Variants in CCDC83 observed in about 807,000 individuals in gnomAD.
CCDC83 encodes coiled-coil domain-containing protein 83.
CCDC83 carries 54 observed loss-of-function variants against 50.1 expected under a neutral mutation model. The ratio of observed to expected loss-of-function variants is 1.08; its 90% confidence interval spans 0.87 to 1.35. The LOEUF is 1.35. Ranked by LOEUF, CCDC83 falls within the 40% of genes most tolerant of loss-of-function variation. The pLI is 0.00. For synonymous variants in CCDC83, 161 were observed against 153.3 expected (o/e 1.05, Z -0.37); for missense variants, 518 against 473.9 (o/e 1.09, Z -0.86).
At chr11:85,877,295 AG>A in intron 3 of CCDC83, among the ~76,000 whole-genome samples, 1 of 152,272 alleles carries the variant, frequency 6.6e-6, no homozygotes, top group East Asian at 1.9e-4. Context: ...ACATAGTGAG[AG>A]CCTGTCTCTA....
Position 85,919,413 on chromosome 11 carries a change from T to C in CCDC83, c.1145T>C (p.Ile382Thr). 6.2e-7 allele frequency: 1 copy of C among 1,613,246 alleles called. No homozygotes were observed. Among genetic ancestry groups the C allele is most frequent in the South Asian group, 1.1e-5 (1 of 91,016 alleles). ...AGTGTGGAGAGCAAGAAAATGCCCA[T>C]TCATTTTCAAGAGAAGGAAATTCCA... ...LMSVESKKMP[I>T]HFQEKEIPVK... is the part of the protein sequence containing the mutation. Residue 382 changes from isoleucine (I) to threonine (T), a missense_variant, in exon 11 of 11, where the codon ATT becomes ACT. Ile to Thr is a moderately conservative substitution (Grantham distance 89). Coordinates refer to ENST00000342404, the MANE Select transcript of CCDC83 (RefSeq NM_001286159.2).
intron 10 of CCDC83, among the ~76,000 whole-genome samples, chr11:85,918,874 G>A (rs1838637): frequency 0.4 from 61,243 of 152,016 alleles, 12,963 homozygotes; most frequent in Non-Finnish European, 0.46. Flanking sequence ...TGAACATAGA[G>A]TAGCTACCTG....
intron 4 of CCDC83, among the ~76,000 whole-genome samples, chr11:85,885,942 G>T (rs2093324682): frequency 6.6e-6 from 1 of 152,194 alleles, no homozygotes; most frequent in Admixed American, 6.5e-5. Context: ...CATATGGGTT[G>T]TCTATTACGT....
At chr11:85,877,210 C>G (rs973403483) in intron 3 of CCDC83, among the ~76,000 whole-genome samples, 2 of 152,156 alleles carry the variant, frequency 1.3e-5, no homozygotes, top group African/African-American at 4.8e-5. Context: ...TGGCTCATGC[C>G]TGTAATCCCA....
intron 2 of CCDC83, among the ~76,000 whole-genome samples, chr11:85,870,889 A>T (rs1402516847): frequency 1.1e-4 from 17 of 152,224 alleles, no homozygotes; most frequent in Non-Finnish European, 1.3e-4. Context: ...TCTGTAGGCC[A>T]GGCGCAGTGG....
At chr11:85,914,206 A>T (rs2093467130) in intron 8 of CCDC83, among the ~76,000 whole-genome samples, 1 of 152,226 alleles carries the variant, frequency 6.6e-6, no homozygotes. Flanking sequence ...CACTTTATTC[A>T]TGTTCTTTAA....
At chr11:85,866,670 A>AC (rs1026990143) in intron 2 of CCDC83, among the ~76,000 whole-genome samples, 32 of 152,068 alleles carry the variant, frequency 2.1e-4, no homozygotes, top group Admixed American at 3.9e-4. Context: ...ACAAAACAAA[A>AC]AAAAAAAACA....
At chr11:85,887,467 G>T (rs577677459) in intron 5 of CCDC83, among the ~76,000 whole-genome samples, 47 of 152,206 alleles carry the variant, frequency 3.1e-4, no homozygotes, top group Non-Finnish European at 5.4e-4. Context: ...AAGTTTCTCA[G>T]CTTAGGGCCT....
chr11:85,886,110 A>T (rs2093325456), intron 4 of CCDC83, 90 bp from the exon 5 acceptor site: 5 of 948,118 alleles, frequency 5.3e-6, no homozygotes, highest in Admixed American at 3.4e-5. Flanking sequence ...ACAGTATTTT[A>T]ATATCAGATC....
At position 85,919,596 on chromosome 11, in the gene CCDC83, C is replaced by T. The variant is rs2093499230; in HGVS notation, c.*86C>T. On this transcript the variant is annotated 3_prime_UTR_variant, in exon 11 of 11. Transcript: ENST00000342404. ...ATATCCGTTGCCCATTTTACTTACA[C>T]TTTGGCTCATTTTTAAACCAGCTGT... The T allele has an allele frequency of 1.0e-6, 1 of 954,978 alleles. No individual in the cohort carries two copies. Among genetic ancestry groups the T allele is most frequent in the Admixed American group, 2.7e-5 (1 of 36,688 alleles). 59.2% of individuals were successfully genotyped at this position (954,978 alleles called of 1,614,324 possible). A position where few individuals can be genotyped will look rare whatever the true frequency, so the allele number is the denominator to read the frequency against.
chr11:85,886,023 AG>A (rs2093325014), intron 4 of CCDC83, among the ~76,000 whole-genome samples, 176 bp from the exon 5 acceptor site: 1 of 152,210 alleles, frequency 6.6e-6, no homozygotes, highest in Non-Finnish European at 1.5e-5. Flanking sequence ...ATTTTGAATC[AG>A]GGGAGATAGA....
chr11:85,866,044 A>T (rs890006366), intron 2 of CCDC83, among the ~76,000 whole-genome samples: 9 of 152,186 alleles, frequency 5.9e-5, no homozygotes, highest in Admixed American at 5.9e-4. Context: ...ATAATAATAA[A>T]ATTTTATAAT....
intron 7 of CCDC83, among the ~76,000 whole-genome samples, chr11:85,908,729 C>A (rs1397676043): frequency 6.7e-6 from 1 of 149,654 alleles, no homozygotes; most frequent in Admixed American, 6.7e-5. Flanking sequence ...CATGATGAAA[C>A]CCCGACTCTA....
chr11:85,860,597 A>G (rs2093170567), intron 1 of CCDC83, among the ~76,000 whole-genome samples: 2 of 152,202 alleles, frequency 1.3e-5, no homozygotes, highest in South Asian at 4.1e-4. Flanking sequence ...AAAGAACTTA[A>G]AACAGAAATA....
intron 5 of CCDC83, among the ~76,000 whole-genome samples, chr11:85,888,692 T>G (rs1192194511): frequency 6.6e-6 from 1 of 152,190 alleles, no homozygotes; most frequent in Non-Finnish European, 1.5e-5. Context: ...TTCTAAAATT[T>G]TTATGGTTTT....
intron 1 of CCDC83, among the ~76,000 whole-genome samples, chr11:85,861,890 T>A (rs2093177973): frequency 6.7e-6 from 1 of 149,936 alleles, no homozygotes; most frequent in Non-Finnish European, 1.5e-5. Context: ...GCGCCTGTAA[T>A]CCCAGCTACT....
intron 7 of CCDC83, among the ~76,000 whole-genome samples, chr11:85,908,640 T>C (rs2093437414): frequency 6.6e-6 from 1 of 151,818 alleles, no homozygotes; most frequent in South Asian, 2.1e-4. Context: ...GGGTGGCTCA[T>C]GCCTGTAATC....
chr11:85,919,583 C>T lies in CCDC83; in HGVS notation c.*73C>T. On this transcript the variant is annotated 3_prime_UTR_variant, in exon 11 of 11. Coordinates refer to ENST00000342404, the MANE Select transcript of CCDC83 (RefSeq NM_001286159.2). ...TGGGAACTGAAGTATATCCGTTGCC[C>T]ATTTTACTTACACTTTGGCTCATTT... 9.2e-7 allele frequency: 1 copy of T among 1,090,022 alleles called. No individual in the cohort carries two copies. Among genetic ancestry groups the T allele is most frequent in the Non-Finnish European group, 1.3e-6 (1 of 746,236 alleles). 67.5% of individuals were successfully genotyped at this position (1,090,022 alleles called of 1,614,324 possible).
At chr11:85,875,193 G>T (rs2093262183) in intron 3 of CCDC83, among the ~76,000 whole-genome samples, 1 of 152,150 alleles carries the variant, frequency 6.6e-6, no homozygotes, top group Non-Finnish European at 1.5e-5. Flanking sequence ...ATGTTAGGGT[G>T]GGCACAATAG....
Sources: allele counts gnomAD v4.1 joint callset (sites outside exome capture counted in the v4.1 genomes callset), GRCh38; gene constraint gnomAD v4.1.1; transcripts MANE v1.5; gene names NCBI Gene and HGNC (gene_info 2026-07-23, HGNC 2026-07-21).